The following HECW2 variants were observed in gnomAD, a reference collection of about 807,000 sequenced individuals.
HECW2 encodes HECT, C2 and WW domain containing E3 ubiquitin protein ligase 2, also known as E3 ubiquitin-protein ligase HECW2.
Under a neutral mutation model 175.2 loss-of-function variants are expected in HECW2, and 61 were observed. That is an observed-to-expected ratio of 0.35 (90% confidence interval 0.28 to 0.43). The LOEUF (loss-of-function observed/expected upper bound fraction) is 0.43. Ranked by LOEUF, HECW2 falls within the 20% of genes least tolerant of loss-of-function variation. The pLI, the probability that HECW2 is intolerant of heterozygous loss-of-function variation, is 1.00. For synonymous variants in HECW2, 671 were observed against 731.0 expected (o/e 0.92, Z 1.32); for missense variants, 1,524 against 2,000.5 (o/e 0.76, Z 4.54).
intron 16 of HECW2, among the ~76,000 whole-genome samples, chr2:196,273,393 C>T (rs888815079): frequency 1.3e-5 from 2 of 152,064 alleles, no homozygotes; most frequent in Non-Finnish European, 1.5e-5. Context: ...AGACGGAGCA[C>T]GGAGCCCATA....
At chr2:196,368,727 T>C (rs1221358431) in intron 2 of HECW2, among the ~76,000 whole-genome samples, 1 of 152,106 alleles carries the variant, frequency 6.6e-6, no homozygotes, top group Non-Finnish European at 1.5e-5. Flanking sequence ...GATAATTTTT[T>C]CTTCTGCTTG....
Position 196,313,162 on chromosome 2 carries a change from T to C in HECW2, c.2434+4112A>G, listed in dbSNP as rs116074038. Among the ~76,000 whole-genome samples, 1,037 of 152,228 alleles carry C rather than the reference T, an allele frequency of 6.8e-3. 17 individuals carry two copies. Among genetic ancestry groups the C allele is most frequent in the African/African-American group, 0.024 (994 of 41,532 alleles). ...TACAACAATTCCATATTGTCTCCAA[T>C]GCAGCAATGGGTTAAGTCACAATTA... On this transcript the variant is annotated intron_variant, in intron 10 of 28. Coordinates refer to ENST00000644978, the MANE Select transcript of HECW2 (RefSeq NM_001348768.2).
chr2:196,473,879 T>C (rs1482500395), intron 1 of HECW2, among the ~76,000 whole-genome samples: 1 of 152,214 alleles, frequency 6.6e-6, no homozygotes, highest in Non-Finnish European at 1.5e-5. Flanking sequence ...TTGATATTCA[T>C]TTTGGAACAG....
intron 1 of HECW2, among the ~76,000 whole-genome samples, chr2:196,521,862 T>A (rs1188473364): frequency 6.6e-6 from 1 of 150,534 alleles, no homozygotes; most frequent in Non-Finnish European, 1.5e-5. Context: ...TGTGCCACAT[T>A]TTCTTAATCC....
At chr2:196,511,452 T>C (rs540124912) in intron 1 of HECW2, among the ~76,000 whole-genome samples, 5 of 152,350 alleles carry the variant, frequency 3.3e-5, no homozygotes, top group Middle Eastern at 6.8e-3. Context: ...ACTTCACTGA[T>C]AACTTCATTT....
At chr2:196,235,648 C>CTTTTTTTTTTT (rs757874073) in intron 21 of HECW2, among the ~76,000 whole-genome samples, 2 of 78,898 alleles carry the variant, frequency 2.5e-5, no homozygotes, top group Non-Finnish European at 4.8e-5. Context: ...ATGCATTATT[C>CTTTTTTTTTTT]TTTTTTTTTT....
intron 1 of HECW2, among the ~76,000 whole-genome samples, chr2:196,557,776 A>C (rs553814281): frequency 3.0e-4 from 46 of 152,358 alleles, no homozygotes; most frequent in African/African-American, 1.1e-3. Context: ...CTTATGTAAA[A>C]TATATGCATG....
In HECW2 at chr2:196,420,743, T is replaced by C. The variant is rs1349871443; in HGVS notation, c.292+12389A>G. Among the ~76,000 whole-genome samples, 2 of 152,156 alleles carry C rather than the reference T, an allele frequency of 1.3e-5. 1 individual carries two copies. The highest frequency in any genetic ancestry group is 6.3e-3 in the Middle Eastern group (2 of 316). ...GGTGCTGCTGATTCAGATAAGTCAGTTCTTTTTTTTTCATCTTCAAATTGT... is the reference window on the plus strand; with the variant it reads ...GGTGCTGCTGATTCAGATAAGTCAGCTCTTTTTTTTTCATCTTCAAATTGT... On this transcript the variant is annotated intron_variant, in intron 2 of 28. Transcript: ENST00000644978.
intron 1 of HECW2, 76 bp from the exon 2 acceptor site, chr2:196,433,534 C>T: frequency 1.9e-6 from 2 of 1,079,322 alleles, no homozygotes; most frequent in East Asian, 2.6e-5. Context: ...AGACATAAAG[C>T]CTTAAAGGGT....
At chr2:196,585,074 T>C (rs1307980235) in intron 1 of HECW2, among the ~76,000 whole-genome samples, 1 of 152,218 alleles carries the variant, frequency 6.6e-6, no homozygotes, top group East Asian at 1.9e-4. Flanking sequence ...TAATTTTCCC[T>C]TCCTTGTTTG....
At chr2:196,246,572 A>G (rs572393135) in intron 19 of HECW2, among the ~76,000 whole-genome samples, 6 of 151,880 alleles carry the variant, frequency 4.0e-5, no homozygotes, top group African/African-American at 1.4e-4. Context: ...GTATTTTTTT[A>G]GTAGAGACGG....
At chr2:196,222,737 T>C (rs1432640813) in intron 23 of HECW2, among the ~76,000 whole-genome samples, 1 of 152,128 alleles carries the variant, frequency 6.6e-6, no homozygotes, top group Non-Finnish European at 1.5e-5. Flanking sequence ...AATACTGTTA[T>C]CTTAATTTGA....
At chr2:196,388,567 G>T (rs941906268) in intron 2 of HECW2, among the ~76,000 whole-genome samples, 1 of 152,310 alleles carries the variant, frequency 6.6e-6, no homozygotes, top group East Asian at 1.9e-4. Flanking sequence ...TCAGTCAGTA[G>T]TAGGGCCCGA....
rs1686685318 is a variant in HECW2, at chr2:196,196,239, T to C, written c.*5038A>G. The C allele has an allele frequency of 6.6e-6, 1 of 152,248 alleles. No individual in the cohort carries two copies. Among genetic ancestry groups the C allele is most frequent in the African/African-American group, 2.4e-5 (1 of 41,436 alleles). 9.4% of individuals were successfully genotyped at this position (152,248 alleles called of 1,614,324 possible). On this transcript the variant is annotated 3_prime_UTR_variant, in exon 29 of 29. Coordinates refer to ENST00000644978, the MANE Select transcript of HECW2 (RefSeq NM_001348768.2). ...GGTGGCACAACTGCTGGGCTCCTCT[T>C]TCCTCCTTTTTTATTTTTATCATCC...
chr2:196,214,875 T>A (rs1687416203), intron 28 of HECW2, among the ~76,000 whole-genome samples: 1 of 152,198 alleles, frequency 6.6e-6, no homozygotes, highest in African/African-American at 2.4e-5. Flanking sequence ...CATCTTGGGG[T>A]ACCTAATGTC....
At chr2:196,405,159 T>G (rs887362213) in intron 2 of HECW2, among the ~76,000 whole-genome samples, 1 of 152,002 alleles carries the variant, frequency 6.6e-6, no homozygotes, top group African/African-American at 2.4e-5. Context: ...TCTAACTCCA[T>G]CTTCCGTCTC....
At chr2:196,561,044 G>C (rs960887141) in intron 1 of HECW2, among the ~76,000 whole-genome samples, 1 of 152,152 alleles carries the variant, frequency 6.6e-6, no homozygotes, top group Admixed American at 6.5e-5. Flanking sequence ...ATAACCATTA[G>C]GTCTGACTGC....
At chr2:196,303,406 A>C (rs1050721218) in intron 13 of HECW2, among the ~76,000 whole-genome samples, 5 of 152,200 alleles carry the variant, frequency 3.3e-5, no homozygotes, top group Non-Finnish European at 7.3e-5. Context: ...TGGTATCAAG[A>C]TGATGCTGGG....
At chr2:196,301,313 T>C (rs1444945712) in intron 13 of HECW2, among the ~76,000 whole-genome samples, 1 of 152,196 alleles carries the variant, frequency 6.6e-6, no homozygotes, top group Non-Finnish European at 1.5e-5. Context: ...GTCTTTGATA[T>C]TGTGAATAGT....
Sources: allele counts gnomAD v4.1 joint callset (sites outside exome capture counted in the v4.1 genomes callset), GRCh38; gene constraint gnomAD v4.1.1; transcripts MANE v1.5; gene names NCBI Gene and HGNC (gene_info 2026-07-23, HGNC 2026-07-21).